SOS2: variants seen among roughly 807,000 people sequenced by gnomAD.
SOS2 encodes SOS Ras/Rho guanine nucleotide exchange factor 2, also known as son of sevenless homolog 2.
SOS2 carries 65 observed loss-of-function variants against 148.2 expected under a neutral mutation model. The ratio of observed to expected loss-of-function variants is 0.44; its 90% confidence interval spans 0.36 to 0.54. The LOEUF is 0.54. Among genes scored for constraint, SOS2 ranks in the 20% least tolerant of loss-of-function variants. The pLI is 0.00. For missense variants in SOS2, 1,341 were observed against 1,590.2 expected, an observed-to-expected ratio of 0.84 and a Z score of 2.67; for synonymous variants, 539 against 537.1, an observed-to-expected ratio of 1.00 and a Z score of -0.05.
intron 16 of SOS2, 51 bp downstream of exon 16, chr14:50,145,119 G>C: frequency 1.9e-6 from 2 of 1,059,236 alleles, no homozygotes; most frequent in Non-Finnish European, 2.6e-6. Flanking sequence ...TTTCTTTTAT[G>C]CTAATTTCAT....
chr14:50,223,969 G>A (rs1307820421), intron 1 of SOS2, among the ~76,000 whole-genome samples: 1 of 152,070 alleles, frequency 6.6e-6, no homozygotes, highest in African/African-American at 2.4e-5. Context: ...ATCTCCAAAG[G>A]AGGATGTGTT....
chr14:50,129,947 T>A lies in SOS2; in HGVS notation c.3379+14A>T. 2 of 1,523,502 alleles carry A rather than the reference T, an allele frequency of 1.3e-6. No individual in the cohort carries two copies. Among genetic ancestry groups the A allele is most frequent in the Non-Finnish European group, 1.8e-6 (2 of 1,105,690 alleles). 94.4% of individuals were successfully genotyped at this position (1,523,502 alleles called of 1,614,324 possible). Reference sequence around the variant, plus strand: ...ACAGTCATTTCATTAAGAATCAACTTAAATTATACTTACTTGAATGTGGCA... The same window carrying A: ...ACAGTCATTTCATTAAGAATCAACTAAAATTATACTTACTTGAATGTGGCA... On this transcript the variant is annotated intron_variant, in intron 21 of 22. Coordinates refer to ENST00000216373, the MANE Select transcript of SOS2 (RefSeq NM_006939.4).
chr14:50,210,833 G>A (rs1354062169), intron 1 of SOS2, among the ~76,000 whole-genome samples: 1 of 151,926 alleles, frequency 6.6e-6, no homozygotes, highest in Admixed American at 6.6e-5. Flanking sequence ...TAAATTAAAC[G>A]ACCATGAAAA....
At chr14:50,155,730 T>C (rs1360825044) in intron 12 of SOS2, among the ~76,000 whole-genome samples, 1 of 152,154 alleles carries the variant, frequency 6.6e-6, no homozygotes, top group African/African-American at 2.4e-5. Context: ...AGTACAGGAC[T>C]GAGAACACAG....
intron 21 of SOS2, among the ~76,000 whole-genome samples, chr14:50,121,179 T>C (rs1334819072): frequency 6.6e-6 from 1 of 152,224 alleles, no homozygotes; most frequent in African/African-American, 2.4e-5. Flanking sequence ...GTACACGTTA[T>C]ATAACTACAT....
chr14:50,201,189 TAG>T, intron 2 of SOS2, 105 bp from the exon 3 acceptor site: 1 of 1,046,046 alleles, frequency 9.6e-7, no homozygotes, highest in Non-Finnish European at 1.4e-6. Flanking sequence ...TAGCAGATAA[TAG>T]TGACACAATA....
At chr14:50,209,274 CGTGTGTGTGTGTGTGTGTGTGTGT>C (rs140994310) in intron 1 of SOS2, among the ~76,000 whole-genome samples, 11 of 118,274 alleles carry the variant, frequency 9.3e-5, no homozygotes, top group African/African-American at 3.2e-4. Flanking sequence ...CCTTAAATGT[CGTGTGTGTGTGTGTGTGTGTGTGT>C]GTGTGTGTGT....
chr14:50,200,907 C>T (rs1278239708), intron 3 of SOS2, 46 bp downstream of exon 3: 6 of 1,567,278 alleles, frequency 3.8e-6, no homozygotes, highest in South Asian at 1.1e-5. Context: ...TAAAATATTA[C>T]TTGTTATAAA....
chr14:50,134,252 A>T lies in SOS2; in HGVS notation c.2959-13T>A. ...TTTCAAAGAATCTCTGGAATTAAAC[A>T]AATAACACAAGTGCATATATAGTAA... On this transcript the variant is annotated splice_polypyrimidine_tract_variant and intron_variant, in intron 18 of 22. Transcript: ENST00000216373. 8.3e-7 allele frequency: 1 copy of T among 1,198,854 alleles called. No individual in the cohort carries two copies. The highest frequency in any genetic ancestry group is 1.2e-6 in the Non-Finnish European group (1 of 813,278). 74.3% of individuals were successfully genotyped at this position (1,198,854 alleles called of 1,614,324 possible). A position where few individuals can be genotyped will look rare whatever the true frequency, so the allele number is the denominator to read the frequency against.
intron 1 of SOS2, among the ~76,000 whole-genome samples, chr14:50,214,760 G>A (rs1192826572): frequency 1.4e-5 from 2 of 147,502 alleles, no homozygotes; most frequent in Non-Finnish European, 3.0e-5. Context: ...TGCTCGAGCT[G>A]GTCACCAACT....
At chr14:50,156,698 C>T (rs1369181793) in intron 12 of SOS2, 1 of 155,626 alleles carries the variant, frequency 6.4e-6, no homozygotes, top group African/African-American at 2.4e-5. Context: ...ATAATTTTTA[C>T]TTACAATAAA....
chr14:50,160,226 C>A, intron 9 of SOS2, 140 bp from the exon 10 acceptor site: 1 of 650,362 alleles, frequency 1.5e-6, no homozygotes, highest in East Asian at 2.7e-5. Flanking sequence ...TCTAACTTTG[C>A]CACTAAATAA....
intron 7 of SOS2, among the ~76,000 whole-genome samples, chr14:50,178,709 TATACACACATATAC>T (rs1410313327): frequency 2.9e-5 from 2 of 69,924 alleles, no homozygotes; most frequent in Non-Finnish European, 5.3e-5. Flanking sequence ...TATATATATA[TATACACACATATAC>T]ACACACATAT....
At chr14:50,226,866 A>G (rs1006004533) in intron 1 of SOS2, among the ~76,000 whole-genome samples, 1 of 152,240 alleles carries the variant, frequency 6.6e-6, no homozygotes, top group Non-Finnish European at 1.5e-5. Context: ...ATATAATCAA[A>G]TAACACATGC....
chr14:50,197,685 C>A (rs1309666182), intron 4 of SOS2, among the ~76,000 whole-genome samples: 2 of 124,828 alleles, frequency 1.6e-5, no homozygotes, highest in African/African-American at 5.9e-5. Flanking sequence ...GTCAGCTTTA[C>A]CACCTTTTTT....
intron 7 of SOS2, among the ~76,000 whole-genome samples, chr14:50,178,570 C>A (rs1425485917): frequency 6.7e-6 from 1 of 148,666 alleles, no homozygotes; most frequent in East Asian, 2.0e-4. Context: ...TTCAAGTGAT[C>A]CTCCTGCCTC....
chr14:50,127,134 T>TCTC (rs1178564809), intron 21 of SOS2, among the ~76,000 whole-genome samples: 1 of 137,454 alleles, frequency 7.3e-6, no homozygotes, highest in African/African-American at 2.8e-5. Flanking sequence ...ACTAAGAAGG[T>TCTC]CTCCTTTTTT....
chr14:50,126,907 A>C (rs913716165), intron 21 of SOS2, among the ~76,000 whole-genome samples: 21 of 43,010 alleles, frequency 4.9e-4, no homozygotes, highest in African/African-American at 1.3e-3. Flanking sequence ...GTAGATGACA[A>C]AATGAAAAAA....
At position 50,120,310 on chromosome 14, in the gene SOS2, G is replaced by A; in HGVS notation, c.3454C>T (p.Arg1152Ter). ...GAAGCATCATGATCAAACTTTTTTC[G>A]AGGAGGAAGAGGAGGAGGAATCAGG... ...EPLIPPPLPP[R>*]KKFDHDASNS... Residue 1152 changes from arginine to a stop codon, truncating the protein, a stop_gained, in exon 22 of 23, where the codon CGA becomes TGA. Coordinates refer to ENST00000216373, the MANE Select transcript of SOS2 (RefSeq NM_006939.4). LOFTEE classifies it high-confidence loss of function. 1.2e-6 allele frequency: 2 copies of A among 1,604,488 alleles called. No individual in the cohort carries two copies. Among genetic ancestry groups the A allele is most frequent in the Non-Finnish European group, 1.7e-6 (2 of 1,173,512 alleles).
Sources: allele counts gnomAD v4.1 joint callset (sites outside exome capture counted in the v4.1 genomes callset), GRCh38; gene constraint gnomAD v4.1.1; transcripts MANE v1.5; gene names NCBI Gene and HGNC (gene_info 2026-07-23, HGNC 2026-07-21).